SMARCE1: variants seen among roughly 807,000 people sequenced by gnomAD.
SMARCE1 encodes SWI/SNF-related matrix-associated actin-dependent regulator of chromatin subfamily E member 1.
SMARCE1 carries 13 observed loss-of-function variants against 54.9 expected under a neutral mutation model. The ratio of observed to expected loss-of-function variants is 0.24; its 90% CI spans 0.15 to 0.38. The LOEUF (loss-of-function observed/expected upper bound fraction) is 0.38, where lower values mean the gene tolerates loss of function less well. Among genes scored for constraint, SMARCE1 ranks in the 10% least tolerant of loss-of-function variants. The pLI is 1.00. For synonymous variants in SMARCE1, 151 were observed against 175.3 expected, an observed-to-expected ratio of 0.86 and a Z score of 1.10; for missense variants, 295 against 523.8, an observed-to-expected ratio of 0.56 and a Z score of 4.26.
intron 4 of SMARCE1, chr17:40,639,875 G>A (rs920427635): frequency 2.0e-5 from 3 of 152,178 alleles, no homozygotes; most frequent in African/African-American, 4.8e-5. Context: ...TCTGTCAGAT[G>A]TCAAAATCTG....
In SMARCE1 at chr17:40,628,635, T is replaced by C; in HGVS notation, c.*150A>G. 3.3e-6 allele frequency: 2 copies of C among 609,072 alleles called. No homozygotes were observed. The highest frequency in any genetic ancestry group is 4.0e-5 in the South Asian group (2 of 49,652). The allele number at this position is 609,072 out of a possible 1,614,324, so 37.7% of individuals were successfully genotyped here. A position where few individuals can be genotyped will look rare whatever the true frequency, so the allele number is the denominator to read the frequency against. ...TAAGAAAGGTGACTGACTGAGCCAT[T>C]AGGCTCATGATGCTAAATGGTCCAA... is the stretch of plus-strand genomic sequence containing the variant. On this transcript the variant is annotated 3_prime_UTR_variant, in exon 11 of 11. Transcript: ENST00000348513.
chr17:40,629,944 T>C (rs4890091), intron 10 of SMARCE1: 47,426 of 357,294 alleles, frequency 0.13, 4,163 homozygotes, highest in Admixed American at 0.31. Flanking sequence ...AAGATATCTA[T>C]ATTCCATTAC....
rs1486194612 is a variant in SMARCE1 at position 40,627,445 on chromosome 17, T to A, written c.*1340A>T. The A allele has an allele frequency of 6.6e-6, 1 of 152,268 alleles. No homozygotes were observed. The highest frequency in any genetic ancestry group is 2.4e-5 in the African/African-American group (1 of 41,466). The allele number at this position is 152,268 out of a possible 1,614,324, so 9.4% of individuals were successfully genotyped here. ...AGATTTCTCCATATTCCTGTTAATGTAGAAACATATTCCCTTTACTTTTGG... is the reference window on the plus strand; with the variant it reads ...AGATTTCTCCATATTCCTGTTAATGAAGAAACATATTCCCTTTACTTTTGG... On this transcript the variant is annotated 3_prime_UTR_variant, in exon 11 of 11. Coordinates refer to ENST00000348513, the MANE Select transcript of SMARCE1 (RefSeq NM_003079.5).
chr17:40,630,355 C>CTAT, intron 10 of SMARCE1: 1 of 737,512 alleles, frequency 1.4e-6, no homozygotes, highest in East Asian at 2.7e-5. Context: ...AACTACTCAA[C>CTAT]TATACTGTTT....
intron 10 of SMARCE1, chr17:40,630,083 A>C (rs566358314): frequency 3.5e-6 from 2 of 570,332 alleles, no homozygotes; most frequent in African/African-American, 3.8e-5. Flanking sequence ...CTGTTTACAC[A>C]GTGTACTAGG....
In SMARCE1 at chr17:40,635,963, T is replaced by C. The variant is rs1555605744; in HGVS notation, c.509A>G (p.Tyr170Cys). The C allele has an allele frequency of 6.2e-7, 1 of 1,611,804 alleles. No homozygotes were observed. The highest frequency in any genetic ancestry group is 8.5e-7 in the Non-Finnish European group (1 of 1,179,270). Residue 170 changes from tyrosine to cysteine, a missense_variant, in exon 7 of 11, where the codon TAC becomes TGC. Transcript: ENST00000348513. Reference sequence around the variant, plus strand: ...ATCTTCAGCAGGCTGAATGCTCATGTACGGTTCTCCTTTCTCCATGCGAGA... The same window carrying C: ...ATCTTCAGCAGGCTGAATGCTCATGCACGGTTCTCCTTTCTCCATGCGAGA... ...RQSRMEKGEP[Y>C]MSIQPAEDPD...
Position 40,628,334 on chromosome 17 carries a change from T to C in SMARCE1, c.*451A>G, listed in dbSNP as rs1453867043. 5 of 162,978 alleles carry C rather than the reference T, an allele frequency of 3.1e-5. No individual in the cohort carries two copies. The highest frequency in any genetic ancestry group is 5.4e-5 in the Non-Finnish European group (4 of 74,152). 10.1% of individuals were successfully genotyped at this position (162,978 alleles called of 1,614,324 possible). On this transcript the variant is annotated 3_prime_UTR_variant, in exon 11 of 11. Coordinates refer to ENST00000348513, the MANE Select transcript of SMARCE1 (RefSeq NM_003079.5). ...GGGTAAGTGAACAAATACATACTCA[T>C]ACATGATCACGTTTTTAAGAAGCTA...
At chr17:40,631,069 A>C in intron 9 of SMARCE1, 145 bp from the exon 10 acceptor site, 1 of 643,998 alleles carries the variant, frequency 1.6e-6, no homozygotes, top group Non-Finnish European at 2.6e-6. Flanking sequence ...TGCCAAAAAA[A>C]TGTGGTTCTA....
At chr17:40,638,121 G>C (rs896140936) in intron 4 of SMARCE1, among the ~76,000 whole-genome samples, 1 of 152,160 alleles carries the variant, frequency 6.6e-6, no homozygotes, top group African/African-American at 2.4e-5. Flanking sequence ...TGCCAGGCTA[G>C]AGATTTTATT....
intron 4 of SMARCE1, among the ~76,000 whole-genome samples, chr17:40,638,723 T>G (rs2037168300): frequency 1.3e-5 from 2 of 152,214 alleles, no homozygotes; most frequent in South Asian, 4.1e-4. Context: ...CTCTCCCTGC[T>G]AGGCTGGAGA....
intron 10 of SMARCE1, 157 bp downstream of exon 10, chr17:40,630,557 G>A: frequency 1.5e-6 from 1 of 688,412 alleles, no homozygotes; most frequent in Non-Finnish European, 2.6e-6. Context: ...GCATTTAAAG[G>A]TTAAAATACT....
In SMARCE1 at chr17:40,630,667, C is replaced by T. The variant is rs367871281; in HGVS notation, c.1027+47G>A. 3.4e-5 allele frequency: 50 copies of T among 1,476,520 alleles called. No homozygotes were observed. The African/African-American group carries it at 4.7e-4, about 14-fold the overall frequency. The allele number at this position is 1,476,520 out of a possible 1,614,324, so 91.5% of individuals were successfully genotyped here. A position where few individuals can be genotyped will look rare whatever the true frequency, so the allele number is the denominator to read the frequency against. On this transcript the variant is annotated intron_variant, in intron 10 of 10. Coordinates refer to ENST00000348513, the MANE Select transcript of SMARCE1 (RefSeq NM_003079.5). ...AAGAAAAACCTAAATTAAAGACAGCCGTACAAAGTCTTGGCACTGCCTCTG... is the reference window on the plus strand; with the variant it reads ...AAGAAAAACCTAAATTAAAGACAGCTGTACAAAGTCTTGGCACTGCCTCTG...
rs533276742 is a variant in SMARCE1, at chr17:40,627,455, T to C, written c.*1330A>G. 5 of 152,352 alleles carry C rather than the reference T, an allele frequency of 3.3e-5. No homozygotes were observed. The East Asian group carries it at 9.6e-4, about 29-fold the overall frequency. The allele number at this position is 152,352 out of a possible 1,614,324, so 9.4% of individuals were successfully genotyped here. On this transcript the variant is annotated 3_prime_UTR_variant, in exon 11 of 11. Transcript: ENST00000348513. ...ATATTCCTGTTAATGTAGAAACATA[T>C]TCCCTTTACTTTTGGAATCAAAGAC... is the stretch of plus-strand genomic sequence containing the variant.
chr17:40,646,844 G>C (rs2037262245), intron 1 of SMARCE1, among the ~76,000 whole-genome samples: 1 of 152,126 alleles, frequency 6.6e-6, no homozygotes, highest in Non-Finnish European at 1.5e-5. Flanking sequence ...GAAATTCCCT[G>C]GAGCATAAGG....
At chr17:40,643,817 G>C (rs2037222559) in intron 3 of SMARCE1, 1 of 152,174 alleles carries the variant, frequency 6.6e-6, no homozygotes, top group Admixed American at 6.5e-5. Flanking sequence ...GGAGAAAAGA[G>C]AACGGCTGAT....
At chr17:40,644,546 T>A (rs1567849540) in intron 3 of SMARCE1, 2 of 152,174 alleles carry the variant, frequency 1.3e-5, no homozygotes, top group Non-Finnish European at 2.9e-5. Flanking sequence ...TATAGTCTAC[T>A]GGAATTAACT....
intron 6 of SMARCE1, 41 bp downstream of exon 6, chr17:40,636,354 A>G (rs2037145914): frequency 6.3e-7 from 1 of 1,583,576 alleles, no homozygotes; most frequent in Non-Finnish European, 8.7e-7. Flanking sequence ...TGTTTTATGT[A>G]CTTTACACAT....
intron 7 of SMARCE1, chr17:40,634,741 T>C (rs2037128935): frequency 6.6e-6 from 1 of 152,244 alleles, no homozygotes; most frequent in Admixed American, 6.5e-5. Context: ...GCTTTAGTTA[T>C]TTTCTACTTA....
Position 40,636,004 on chromosome 17 carries a change from T to A in SMARCE1, c.468A>T (p.Glu156Asp). 6.2e-7 allele frequency: 1 copy of A among 1,613,768 alleles called. No homozygotes were observed. The highest frequency in any genetic ancestry group is 8.5e-7 in the Non-Finnish European group (1 of 1,179,818). ...CCATGCGAGATTGTCTCTGTCGACT[T>A]TCTTCCTCTAAAGCAGCTTCTGCAC... Reference protein sequence around the residue: ...KSRAEAALEEESRQRQSRMEK... With the variant: ...KSRAEAALEEDSRQRQSRMEK... Residue 156 changes from glutamate (E) to aspartate (D), a missense_variant, in exon 7 of 11, where the codon GAA becomes GAT. This residue lies in a region of SMARCE1 where 101 missense variants were observed against 183.1 expected (regional missense o/e 0.55). Coordinates refer to ENST00000348513, the MANE Select transcript of SMARCE1 (RefSeq NM_003079.5).
Sources: allele counts gnomAD v4.1 joint callset (sites outside exome capture counted in the v4.1 genomes callset), GRCh38; gene constraint gnomAD v4.1.1; regional missense constraint gnomAD v4.1.1; transcripts MANE v1.5; gene names NCBI Gene and HGNC (gene_info 2026-07-23, HGNC 2026-07-21).